PRKCE: variants seen among roughly 807,000 people sequenced by gnomAD.
PRKCE encodes protein kinase C epsilon, also known as protein kinase C epsilon type.
PRKCE carries 16 observed loss-of-function variants against 85.4 expected under a neutral mutation model. The ratio of observed to expected loss-of-function variants is 0.19; its 90% CI spans 0.13 to 0.28. The LOEUF is 0.28. Among genes scored for constraint, PRKCE ranks in the 10% least tolerant of loss-of-function variants. The probability of loss-of-function intolerance (pLI) is 1.00; values close to 1 mark genes in which losing one functional copy is unlikely to be tolerated. For missense variants in PRKCE, 573 were observed against 975.2 expected (o/e 0.59, Z 5.49); for synonymous variants, 388 against 371.5 (o/e 1.04, Z -0.51).
chr2:45,827,792 C>A lies in PRKCE; in HGVS notation c.349-15208C>A, dbSNP rs547377419. 3.9e-5 allele frequency among the ~76,000 whole-genome samples: 6 copies of A among 152,212 alleles called. No homozygotes were observed. In the South Asian group the frequency reaches 1.2e-3, roughly 32 times the overall value. On this transcript the variant is annotated intron_variant, in intron 1 of 14. Transcript: ENST00000306156. ...AAAGTCTTAAAAATTTGATTTATAC[C>A]TTCAAAATTCAACACAGAGTCAACT...
intron 1 of PRKCE, among the ~76,000 whole-genome samples, chr2:45,752,535 C>T (rs1189572373): frequency 2.6e-5 from 4 of 151,866 alleles, no homozygotes; most frequent in East Asian, 1.9e-4. Flanking sequence ...TATGACGTTA[C>T]GGTGATCACT....
intron 2 of PRKCE, among the ~76,000 whole-genome samples, chr2:45,887,265 C>A (rs1375900203): frequency 6.6e-6 from 1 of 152,172 alleles, no homozygotes. Context: ...AGAAGGCTTC[C>A]TACCTAGATG....
chr2:46,015,152 G>C (rs1706018358), intron 10 of PRKCE, among the ~76,000 whole-genome samples: 1 of 152,046 alleles, frequency 6.6e-6, no homozygotes, highest in Non-Finnish European at 1.5e-5. Flanking sequence ...TTTTGGAATT[G>C]CCTCTCCCAG....
At chr2:46,179,588 A>C (rs968665751) in intron 14 of PRKCE, among the ~76,000 whole-genome samples, 8 of 152,328 alleles carry the variant, frequency 5.3e-5, no homozygotes, top group South Asian at 2.1e-4. Context: ...GTTTTCCTCT[A>C]ACATCAGCCA....
At chr2:46,010,297 T>C in intron 9 of PRKCE, 47 bp from the exon 10 acceptor site, 1 of 1,510,978 alleles carries the variant, frequency 6.6e-7, no homozygotes, top group Non-Finnish European at 8.8e-7. Context: ...CTTCTTCTTT[T>C]TATTCCATAC....
At chr2:46,176,722 A>G (rs1394094911) in intron 14 of PRKCE, among the ~76,000 whole-genome samples, 4 of 152,160 alleles carry the variant, frequency 2.6e-5, no homozygotes, top group African/African-American at 9.7e-5. Flanking sequence ...CACACCCCAA[A>G]GAGTGCTGGT....
intron 2 of PRKCE, among the ~76,000 whole-genome samples, chr2:45,926,178 T>C (rs535682938): frequency 2.4e-4 from 37 of 152,346 alleles, no homozygotes; most frequent in South Asian, 4.1e-4. Flanking sequence ...TTCGGCCTGC[T>C]GCTCAGCGGC....
intron 2 of PRKCE, among the ~76,000 whole-genome samples, chr2:45,909,725 T>A (rs114143577): frequency 0.013 from 1,930 of 152,346 alleles, 58 homozygotes; most frequent in African/African-American, 0.045. Context: ...TAGAAAAGCC[T>A]TCCAGGCAGG....
intron 11 of PRKCE, among the ~76,000 whole-genome samples, chr2:46,093,908 A>G (rs1670428489): frequency 6.6e-6 from 1 of 152,162 alleles, no homozygotes; most frequent in African/African-American, 2.4e-5. Context: ...GTGAAATACC[A>G]TTTGGAATTC....
intron 10 of PRKCE, among the ~76,000 whole-genome samples, chr2:46,057,061 T>A (rs1349242178): frequency 6.6e-6 from 1 of 151,960 alleles, no homozygotes; most frequent in Non-Finnish European, 1.5e-5. Flanking sequence ...CTCTATGGAG[T>A]CTCAGAGCTT....
chr2:46,128,292 G>A (rs1418036744), intron 11 of PRKCE, among the ~76,000 whole-genome samples: 2 of 152,156 alleles, frequency 1.3e-5, no homozygotes, highest in African/African-American at 4.8e-5. Flanking sequence ...ATGTGAGAAA[G>A]GGGTAATGAA....
chr2:45,951,185 A>G (rs1340019932), intron 2 of PRKCE, among the ~76,000 whole-genome samples: 1 of 152,210 alleles, frequency 6.6e-6, no homozygotes, highest in Non-Finnish European at 1.5e-5. Flanking sequence ...AGCCTCACCC[A>G]GTGGAATTGG....
intron 2 of PRKCE, among the ~76,000 whole-genome samples, chr2:45,955,231 A>G (rs1700891524): frequency 6.6e-6 from 1 of 152,208 alleles, no homozygotes; most frequent in Non-Finnish European, 1.5e-5. Flanking sequence ...GAGGAATTAG[A>G]TCTCAAAGGA....
At chr2:45,661,516 G>GT (rs1270841370) in intron 1 of PRKCE, among the ~76,000 whole-genome samples, 74 of 121,102 alleles carry the variant, frequency 6.1e-4, no homozygotes, top group Middle Eastern at 5.0e-3. Flanking sequence ...GTTTTGTTTT[G>GT]TTTTTTGTTT....
At chr2:46,149,856 G>T (rs369907675) in intron 12 of PRKCE, among the ~76,000 whole-genome samples, 5 of 146,588 alleles carry the variant, frequency 3.4e-5, no homozygotes, top group African/African-American at 9.9e-5. Flanking sequence ...AATCAGAAAA[G>T]ATCCTTTTTT....
chr2:46,085,759 T>TTTTTTTTTTTTTTG (rs1669573480), intron 10 of PRKCE, among the ~76,000 whole-genome samples: 1 of 134,862 alleles, frequency 7.4e-6, no homozygotes, highest in Non-Finnish European at 1.5e-5. Flanking sequence ...GTTTTTGTTT[T>TTTTTTTTTTTTTTG]TTTTTTTTTT....
At chr2:45,678,405 T>G (rs1676636671) in intron 1 of PRKCE, among the ~76,000 whole-genome samples, 1 of 152,248 alleles carries the variant, frequency 6.6e-6, no homozygotes, top group African/African-American at 2.4e-5. Flanking sequence ...ATTTCTCCAA[T>G]GTTGTCTTCT....
chr2:46,134,167 G>C (rs1674729752), intron 11 of PRKCE, among the ~76,000 whole-genome samples: 1 of 152,202 alleles, frequency 6.6e-6, no homozygotes, highest in Non-Finnish European at 1.5e-5. Flanking sequence ...GCCACGATCT[G>C]TGAATTCACT....
intron 1 of PRKCE, among the ~76,000 whole-genome samples, chr2:45,824,481 G>A (rs2105352874): frequency 6.6e-6 from 1 of 152,188 alleles, no homozygotes; most frequent in South Asian, 2.1e-4. Flanking sequence ...CTGGTGGGGA[G>A]GACTCCCTTC....
Sources: gnomAD v4.1 joint callset for allele counts (sites outside exome capture counted in the v4.1 genomes callset) on GRCh38, gnomAD v4.1.1 for gene constraint, MANE v1.5 for transcripts, NCBI Gene and HGNC (gene_info 2026-07-23, HGNC 2026-07-21) for gene names.